Variants in RB1CC1 observed in about 807,000 individuals in gnomAD.
The protein encoded by RB1CC1 is RB1 inducible coiled-coil 1.
RB1CC1 carries 46 observed loss-of-function variants against 177.5 expected under a neutral mutation model. That is an observed-to-expected ratio of 0.26 (90% CI 0.20 to 0.33). RB1CC1 has a LOEUF of 0.33. Among genes scored for constraint, RB1CC1 ranks in the 10% least tolerant of loss-of-function variants. RB1CC1 has a pLI of 1.00. For missense variants in RB1CC1, 1,703 were observed against 1,816.3 expected (o/e 0.94, Z 1.13); for synonymous variants, 666 against 613.6 (o/e 1.09, Z -1.26).
intron 18 of RB1CC1, among the ~76,000 whole-genome samples, chr8:52,638,565 T>C (rs763368697): frequency 3.9e-5 from 6 of 152,132 alleles, no homozygotes; most frequent in Non-Finnish European, 7.4e-5. Flanking sequence ...ATCTTTTATT[T>C]ATTAAAAATA....
chr8:52,691,923 C>T (rs1439770540), intron 1 of RB1CC1, among the ~76,000 whole-genome samples: 1 of 152,214 alleles, frequency 6.6e-6, no homozygotes, highest in Non-Finnish European at 1.5e-5. Context: ...TAATCATAAT[C>T]ATTGCTAATA....
chr8:52,704,499 T>C (rs1341706224), intron 1 of RB1CC1, among the ~76,000 whole-genome samples: 1 of 146,718 alleles, frequency 6.8e-6, no homozygotes, highest in African/African-American at 2.5e-5. Flanking sequence ...TAAAATCAAG[T>C]TCCAACTAGA....
intron 1 of RB1CC1, among the ~76,000 whole-genome samples, chr8:52,699,237 C>A (rs536941680): frequency 1.3e-5 from 2 of 152,224 alleles, no homozygotes; most frequent in East Asian, 1.9e-4. Context: ...TCTTATTCTG[C>A]CACTTACAAG....
chr8:52,642,474 G>T lies in RB1CC1; in HGVS notation c.4214C>A (p.Thr1405Lys). The T allele has an allele frequency of 6.2e-7, 1 of 1,614,086 alleles. No individual in the cohort carries two copies. The highest frequency in any genetic ancestry group is 1.1e-5 in the South Asian group (1 of 91,086). ...ACAAGCTCCATAAAGTTCTGGGGCT[G>T]TAGCTACATATGGTGAAGGAACAAA... is the stretch of plus-strand genomic sequence containing the variant. ...SSFVPSPYVA[T>K]APELYGACAP... The change falls in exon 18 of 24, where the codon ACA becomes AAA. Residue 1405 changes from threonine to lysine, a missense_variant. Thr to Lys is a moderately conservative substitution (Grantham distance 78, BLOSUM62 -1). This residue lies in a region of RB1CC1 where 1,169 missense variants were observed against 1,184.7 expected (regional missense o/e 0.99). Transcript: ENST00000025008.
At position 52,623,800 on chromosome 8, in the gene RB1CC1, T is replaced by C. The variant is rs1218116347; in HGVS notation, c.4767A>G (p.Ser1589=). The change falls in exon 24 of 24, where the codon TCA becomes TCG. Residue 1589 remains serine (S), a synonymous_variant. Transcript: ENST00000025008. ...GTKFYRVKAV[S]WNKKV The stretch of plus-strand genomic sequence containing the variant: ...CCATAAGTTATACTTTCTTATTCCA[T>C]GATACGGCTTTCACTCTGTAAAACT... The C allele has an allele frequency of 1.2e-6, 2 of 1,605,848 alleles. No homozygotes were observed. Among genetic ancestry groups the C allele is most frequent in the East Asian group, 2.2e-5 (1 of 44,804 alleles).
At chr8:52,684,702 C>A (rs1385658998) in intron 3 of RB1CC1, among the ~76,000 whole-genome samples, 1 of 151,962 alleles carries the variant, frequency 6.6e-6, no homozygotes, top group African/African-American at 2.4e-5. Context: ...TGAATAAAAA[C>A]AAATGACCAA....
At chr8:52,692,782 T>G (rs1025875903) in intron 1 of RB1CC1, among the ~76,000 whole-genome samples, 1 of 152,180 alleles carries the variant, frequency 6.6e-6, no homozygotes, top group Non-Finnish European at 1.5e-5. Context: ...TTTAAAAAAT[T>G]TCCTTTACTA....
At chr8:52,652,037 C>T (rs946192253) in intron 15 of RB1CC1, among the ~76,000 whole-genome samples, 3 of 152,110 alleles carry the variant, frequency 2.0e-5, no homozygotes, top group African/African-American at 7.2e-5. Flanking sequence ...TTAAATATTC[C>T]TTTCCTTTTC....
rs372615915 is a variant in RB1CC1, at chr8:52,711,064, T to C, written c.-167+3011A>G. Among the ~76,000 whole-genome samples, 7 of 151,664 alleles carry C rather than the reference T, an allele frequency of 4.6e-5. No homozygotes were observed. In the East Asian group the frequency reaches 5.8e-4, roughly 13 times the overall value. On this transcript the variant is annotated intron_variant, in intron 1 of 23. Transcript: ENST00000025008. ...CTAGCACAATTACAAGCCAATAAAA[T>C]ATGAGAGTTCAAAAGAGCAAACTAA...
intron 1 of RB1CC1, among the ~76,000 whole-genome samples, chr8:52,693,747 A>G (rs1412043960): frequency 6.6e-6 from 1 of 151,974 alleles, no homozygotes; most frequent in Non-Finnish European, 1.5e-5. Flanking sequence ...CGGGGGTAGG[A>G]TGGGGAAACA....
intron 1 of RB1CC1, among the ~76,000 whole-genome samples, chr8:52,702,060 G>A (rs62501680): frequency 0.15 from 22,194 of 151,956 alleles, 2,138 homozygotes; most frequent in Non-Finnish European, 0.22. Flanking sequence ...CACCCACCTC[G>A]GCCTCCCAAA....
intron 13 of RB1CC1, 31 bp from the exon 14 acceptor site, chr8:52,658,155 T>C: frequency 1.9e-6 from 3 of 1,590,822 alleles, no homozygotes; most frequent in South Asian, 1.2e-5. Flanking sequence ...ATTAGACTTC[T>C]GATTTTTTAA....
At position 52,656,510 on chromosome 8, in the gene RB1CC1, G is replaced by T. The variant is rs570436997; in HGVS notation, c.3319C>A (p.Leu1107Ile). Reference protein sequence around the residue: ...TENLRTEISKLNQKIQDNNEN... With the variant: ...TENLRTEISKINQKIQDNNEN... ...TTATTATCCTGAATCTTTTGGTTGA[G>T]TTTACTAATTTCTGTTCTCAAATTT... Residue 1107 changes from leucine (L) to isoleucine (I), a missense_variant, in exon 15 of 24, where the codon CTC (leucine) becomes ATC (isoleucine). Physicochemically the swap from Leu to Ile is conservative, Grantham distance 5. Around this residue, in one of 6 missense-constraint regions of RB1CC1, gnomAD observed 1,169 missense variants for 1,184.7 expected, o/e 0.99. Coordinates refer to ENST00000025008, the MANE Select transcript of RB1CC1 (RefSeq NM_014781.5). 13 of 1,611,298 alleles carry T rather than the reference G, an allele frequency of 8.1e-6. No individual in the cohort carries two copies. The South Asian group carries it at 1.4e-4, about 18-fold the overall frequency.
chr8:52,674,650 C>G (rs1202476814), intron 6 of RB1CC1, among the ~76,000 whole-genome samples: 1 of 152,140 alleles, frequency 6.6e-6, no homozygotes, highest in Admixed American at 6.5e-5. Flanking sequence ...CACCTGCAAT[C>G]CCAGCTACTC....
chr8:52,660,516 T>A, intron 12 of RB1CC1, 80 bp downstream of exon 12: 1 of 1,308,816 alleles, frequency 7.6e-7, no homozygotes, highest in Non-Finnish European at 1.1e-6. Context: ...TTCTGCAAGT[T>A]TCTGATAAAT....
intron 16 of RB1CC1, among the ~76,000 whole-genome samples, chr8:52,643,952 T>C (rs941814991): frequency 6.6e-6 from 1 of 152,010 alleles, no homozygotes; most frequent in East Asian, 1.9e-4. Context: ...TTTAATTAAA[T>C]ACAATTTCTG....
chr8:52,626,102 T>C (rs1025107360), intron 22 of RB1CC1, among the ~76,000 whole-genome samples: 1 of 152,064 alleles, frequency 6.6e-6, no homozygotes, highest in Non-Finnish European at 1.5e-5. Context: ...CATCTAAAAA[T>C]AAATGCTTGT....
chr8:52,661,596 T>C lies in RB1CC1; in HGVS notation c.1297A>G (p.Ile433Val), dbSNP rs750998543. 1.9e-6 allele frequency: 3 copies of C among 1,612,832 alleles called. No homozygotes were observed. The highest frequency in any genetic ancestry group is 1.3e-5 in the African/African-American group (1 of 74,888). Residue 433 changes from isoleucine (I) to valine (V), a missense_variant, in exon 9 of 24, where the codon ATT becomes GTT. Physicochemically the swap from Ile to Val is conservative, Grantham distance 29 (BLOSUM62 3). Coordinates refer to ENST00000025008, the MANE Select transcript of RB1CC1 (RefSeq NM_014781.5). ...TTGGCAGTGGTACACTTCTGCTTAA[T>C]ATCTAACAGTTTTCTATGATTTTGC... ...MLQNHRKLLD[I>V]KQKCTTAKQE...
chr8:52,712,927 T>C (rs887296007), intron 1 of RB1CC1, among the ~76,000 whole-genome samples: 1 of 152,204 alleles, frequency 6.6e-6, no homozygotes, highest in African/African-American at 2.4e-5. Context: ...CCCTCAGTAG[T>C]TCCTTGGTTT....
Sources: gnomAD v4.1 joint callset for allele counts (sites outside exome capture counted in the v4.1 genomes callset) on GRCh38, gnomAD v4.1.1 for gene constraint, gnomAD v4.1.1 regional missense constraint, MANE v1.5 for transcripts, NCBI Gene and HGNC (gene_info 2026-07-23, HGNC 2026-07-21) for gene names.